DNAH12: variants seen among roughly 807,000 people sequenced by gnomAD.
DNAH12 encodes the protein dynein axonemal heavy chain 12, also known as axonemal beta dynein heavy chain 12.
A neutral mutation model predicts 371.5 loss-of-function variants in DNAH12; 285 were observed. The ratio of observed to expected loss-of-function variants is 0.77; its 90% CI spans 0.70 to 0.85. The LOEUF (loss-of-function observed/expected upper bound fraction) is 0.85. DNAH12 is among the 40% of genes least tolerant of loss of function. The pLI, the probability that DNAH12 is intolerant of heterozygous loss-of-function variation, is 0.00. For synonymous variants in DNAH12, 1,200 were observed against 1,213.0 expected (o/e 0.99, Z 0.22); for missense variants, 3,611 against 3,689.4 (o/e 0.98, Z 0.55).
At chr3:57,449,715 G>A (rs1197815420) in intron 25 of DNAH12, among the ~76,000 whole-genome samples, 2 of 152,172 alleles carry the variant, frequency 1.3e-5, no homozygotes, top group East Asian at 1.9e-4. Context: ...CTTGGTTCCC[G>A]CTCGCGCCTC....
intron 60 of DNAH12, among the ~76,000 whole-genome samples, chr3:57,336,393 T>C (rs2062223304): frequency 1.3e-5 from 2 of 151,934 alleles, no homozygotes; most frequent in South Asian, 4.1e-4. Flanking sequence ...AGTATGAACA[T>C]AATAGAAGAA....
intron 45 of DNAH12, among the ~76,000 whole-genome samples, chr3:57,389,822 G>GTGTATATATATATATATATATATATATA (rs1326306277): frequency 1.4e-3 from 63 of 45,822 alleles, no homozygotes; most frequent in Non-Finnish European, 3.9e-3. Flanking sequence ...GTGTGTGTGT[G>GTGTATATATATATATATATATATATATA]TATATATATA....
intron 5 of DNAH12, among the ~76,000 whole-genome samples, chr3:57,509,505 G>A (rs2067900660): frequency 6.6e-6 from 1 of 152,094 alleles, no homozygotes; most frequent in Non-Finnish European, 1.5e-5. Context: ...CCAGGGGCTG[G>A]GAGGATGTTG....
chr3:57,474,987 G>A (rs2066479560), intron 13 of DNAH12, among the ~76,000 whole-genome samples: 1 of 146,156 alleles, frequency 6.8e-6, no homozygotes, highest in Non-Finnish European at 1.5e-5. Context: ...AAAAAAAAAG[G>A]CCAATGGAAC....
At chr3:57,493,403 G>C (rs1165757213) in intron 11 of DNAH12, among the ~76,000 whole-genome samples, 1 of 152,142 alleles carries the variant, frequency 6.6e-6, no homozygotes, top group Non-Finnish European at 1.5e-5. Context: ...TGGAGGATGT[G>C]CATAAATTAT....
chr3:57,470,007 T>TA, intron 16 of DNAH12, among the ~76,000 whole-genome samples: 1 of 152,052 alleles, frequency 6.6e-6, no homozygotes, highest in East Asian at 1.9e-4. Context: ...AAAACAAAAA[T>TA]AAAAATAAAA....
Position 57,405,735 on chromosome 3 carries a change from T to C in DNAH12, c.6494A>G (p.Gln2165Arg). The C allele has an allele frequency of 6.4e-7, 1 of 1,551,712 alleles. No individual in the cohort carries two copies. Among genetic ancestry groups the C allele is most frequent in the Admixed American group, 2.0e-5 (1 of 51,002 alleles). ...INDDDRRWLF[Q>R]LTKTVIKDHF... is the part of the protein sequence containing the mutation. ...GTCCTTTATAACAGTTTTAGTTAAC[T>C]GGAACAGCCATCTTCGATCATCATC... Residue 2165 changes from glutamine (Q) to arginine (R), a missense_variant, in exon 41 of 74, where the codon CAG (glutamine) becomes CGG (arginine). This residue lies in a region of DNAH12 where 2,266 missense variants were observed against 2,236.9 expected (regional missense o/e 1.01). Coordinates refer to ENST00000495027, the MANE Select transcript of DNAH12 (RefSeq NM_001366028.2).
chr3:57,398,957 A>G (rs968814106), intron 43 of DNAH12, among the ~76,000 whole-genome samples: 2 of 152,198 alleles, frequency 1.3e-5, no homozygotes, highest in Non-Finnish European at 2.9e-5. Flanking sequence ...AAAAAACAAA[A>G]ACATGCCTTA....
At position 57,380,278 on chromosome 3, in the gene DNAH12, T is replaced by C. The variant is rs2153341596; in HGVS notation, c.8082A>G (p.Pro2694=). The C allele has an allele frequency of 6.6e-6, 1 of 152,314 alleles. No individual in the cohort carries two copies. The highest frequency in any genetic ancestry group is 2.1e-4 in the South Asian group (1 of 4,832). 9.4% of individuals were successfully genotyped at this position (152,314 alleles called of 1,614,324 possible). Residue 2694 remains proline, a splice_region_variant and synonymous_variant, in exon 51 of 74, where the codon CCA becomes CCG. Transcript: ENST00000495027. ...DLKEYDKDNI[P]VTVMQKIRSE... is the part of the protein sequence containing the mutation. ...TAGAAAAAAACCCAATGCAACTCAC[T>C]GGAATGTTGTCCTTGTCATATTCTT...
intron 34 of DNAH12, 141 bp from the exon 35 acceptor site, chr3:57,425,282 C>CCCA: frequency 2.0e-6 from 1 of 495,316 alleles, no homozygotes; most frequent in South Asian, 2.2e-5. Context: ...GGATCTCACT[C>CCCA]TGTCATCCAG....
chr3:57,466,710 C>A (rs2066212546), intron 17 of DNAH12, among the ~76,000 whole-genome samples: 1 of 152,146 alleles, frequency 6.6e-6, no homozygotes, highest in South Asian at 2.1e-4. Context: ...TGTGTTGCTG[C>A]ACTTAGTATA....
At chr3:57,511,120 A>C in intron 4 of DNAH12, 141 bp from the exon 5 acceptor site, 1 of 572,814 alleles carries the variant, frequency 1.7e-6, no homozygotes, top group Admixed American at 4.1e-5. Context: ...AAACCATTTA[A>C]TCCAAAAGTA....
In DNAH12 at chr3:57,301,063, G is replaced by A. The variant is rs78332621; in HGVS notation, c.11394+672C>T. ...CCAGTGCTTTGGGAGGCCAAGGTGG[G>A]AGGATTGCTTGAGGTCAGGAGTGAG... On this transcript the variant is annotated intron_variant, in intron 70 of 73. Transcript: ENST00000495027. Among the ~76,000 whole-genome samples the A allele has an allele frequency of 0.011, 1,672 of 152,066 alleles. 59 individuals are homozygous for A. The East Asian group carries it at 0.12, about 11-fold the overall frequency.
chr3:57,307,311 T>G (rs1303732079), intron 69 of DNAH12, among the ~76,000 whole-genome samples: 1 of 152,034 alleles, frequency 6.6e-6, no homozygotes, highest in Non-Finnish European at 1.5e-5. Context: ...CCTAAATCCT[T>G]TCCCCACTCC....
At chr3:57,309,541 G>T in intron 68 of DNAH12, 125 bp downstream of exon 68, 1 of 942,830 alleles carries the variant, frequency 1.1e-6, no homozygotes, top group Non-Finnish European at 1.5e-6. Flanking sequence ...GGATTTGGAG[G>T]CTAATGCTTA....
chr3:57,449,587 A>T (rs1340133883), intron 25 of DNAH12, among the ~76,000 whole-genome samples: 4 of 152,352 alleles, frequency 2.6e-5, no homozygotes, highest in African/African-American at 9.6e-5. Context: ...CCACTAGCCC[A>T]GGTGCTAAGT....
chr3:57,297,906 AG>A (rs1559531309), intron 70 of DNAH12, among the ~76,000 whole-genome samples: 1 of 152,198 alleles, frequency 6.6e-6, no homozygotes, highest in East Asian at 1.9e-4. Context: ...TTAAAGCTTA[AG>A]CCTCTTGGTC....
chr3:57,468,586 A>C, intron 17 of DNAH12, 150 bp downstream of exon 17: 1 of 434,794 alleles, frequency 2.3e-6, no homozygotes, highest in East Asian at 4.7e-5. Context: ...CAGCCTGGGA[A>C]ATAGAGCAAG....
chr3:57,435,514 T>C (rs2065094892), intron 30 of DNAH12, among the ~76,000 whole-genome samples: 1 of 151,948 alleles, frequency 6.6e-6, no homozygotes, highest in South Asian at 2.1e-4. Flanking sequence ...TTTTAAAAGG[T>C]ATGGCTTATT....
Sources: gnomAD v4.1 joint callset for allele counts (sites outside exome capture counted in the v4.1 genomes callset) on GRCh38, gnomAD v4.1.1 for gene constraint, gnomAD v4.1.1 regional missense constraint, MANE v1.5 for transcripts, NCBI Gene and HGNC (gene_info 2026-07-23, HGNC 2026-07-21) for gene names.